The following GALNT13 variants were observed in gnomAD, a reference collection of about 807,000 sequenced individuals.
GALNT13 encodes polypeptide N-acetylgalactosaminyltransferase 13, also known as UDP-GalNAc:polypeptide N-acetylgalactosaminyltransferase 13.
GALNT13 carries 28 observed loss-of-function variants against 64.2 expected under a neutral mutation model. The observed-to-expected ratio is 0.44, with a 90% CI of 0.32 to 0.60. The LOEUF (loss-of-function observed/expected upper bound fraction) is 0.60, where lower values mean the gene tolerates loss of function less well. GALNT13 is among the 20% of genes least tolerant of loss of function. GALNT13 has a pLI of 0.05. For missense variants in GALNT13, 577 were observed against 669.8 expected (o/e 0.86, Z 1.53); for synonymous variants, 214 against 224.6 (o/e 0.95, Z 0.42).
the GALNT13 span, among the ~76,000 whole-genome samples, chr2:153,579,794 G>T: frequency 6.6e-6 from 1 of 151,994 alleles, no homozygotes; most frequent in Non-Finnish European, 1.5e-5. Flanking sequence ...ATTGTGAACT[G>T]GGCTTGTGAG....
chr2:153,396,228 G>A, the GALNT13 span, among the ~76,000 whole-genome samples: 2 of 152,072 alleles, frequency 1.3e-5, no homozygotes. Flanking sequence ...TGTACCAGGT[G>A]CTCTGCTAGG....
chr2:154,401,290 G>A (rs373783608), intron 10 of GALNT13, among the ~76,000 whole-genome samples: 10 of 152,158 alleles, frequency 6.6e-5, no homozygotes, highest in Non-Finnish European at 8.8e-5. Context: ...AAGCTAAAAC[G>A]CTTAAAAGTT....
At chr2:153,917,919 T>G (rs1215175049) in intron 2 of GALNT13, among the ~76,000 whole-genome samples, 2 of 151,194 alleles carry the variant, frequency 1.3e-5, no homozygotes, top group Non-Finnish European at 3.0e-5. Context: ...GACCACAGTT[T>G]TTTTTTTTTT....
the GALNT13 span, among the ~76,000 whole-genome samples, chr2:153,272,260 A>C: frequency 8.5e-5 from 13 of 152,294 alleles, no homozygotes; most frequent in South Asian, 2.5e-3. Flanking sequence ...AAATAGACAA[A>C]TGGGATCTAA....
the GALNT13 span, among the ~76,000 whole-genome samples, chr2:153,286,358 C>A: frequency 7.9e-5 from 12 of 152,154 alleles, no homozygotes; most frequent in East Asian, 2.1e-3. Flanking sequence ...ATAGATGAGA[C>A]AACAATCACA....
chr2:154,241,780 A>G (rs1172879459), intron 4 of GALNT13, among the ~76,000 whole-genome samples: 1 of 152,182 alleles, frequency 6.6e-6, no homozygotes, highest in East Asian at 1.9e-4. Context: ...TTAGACTTGT[A>G]GAAATCATGC....
the GALNT13 span, among the ~76,000 whole-genome samples, chr2:153,368,151 G>T: frequency 6.6e-6 from 1 of 152,092 alleles, no homozygotes; most frequent in Non-Finnish European, 1.5e-5. Context: ...CATCTGTTAT[G>T]AACTGAATGT....
chr2:154,297,155 A>C (rs567513810), intron 8 of GALNT13, among the ~76,000 whole-genome samples: 1 of 151,678 alleles, frequency 6.6e-6, no homozygotes, highest in Non-Finnish European at 1.5e-5. Context: ...GCAATGAGAA[A>C]CCATTCAAGG....
chr2:154,183,566 G>T (rs2105736132), intron 4 of GALNT13, among the ~76,000 whole-genome samples: 1 of 152,050 alleles, frequency 6.6e-6, no homozygotes, highest in African/African-American at 2.4e-5. Flanking sequence ...AAAAACATTA[G>T]CTGGGTATGG....
chr2:153,413,974 G>A, the GALNT13 span, among the ~76,000 whole-genome samples: 1 of 152,094 alleles, frequency 6.6e-6, no homozygotes, highest in Non-Finnish European at 1.5e-5. Flanking sequence ...TAAAAGTAAT[G>A]AATTTGTAAG....
At chr2:153,352,737 T>C in the GALNT13 span, among the ~76,000 whole-genome samples, 1 of 152,130 alleles carries the variant, frequency 6.6e-6, no homozygotes, top group African/African-American at 2.4e-5. Flanking sequence ...GTATTGCCTT[T>C]ACTCTGTCAA....
the GALNT13 span, among the ~76,000 whole-genome samples, chr2:153,508,954 T>C: frequency 2.0e-5 from 3 of 152,192 alleles, no homozygotes; most frequent in Non-Finnish European, 4.4e-5. Flanking sequence ...CCTATCACCC[T>C]GGAGTCCTGC....
At chr2:153,914,812 C>T (rs552029270) in intron 2 of GALNT13, among the ~76,000 whole-genome samples, 36 of 152,208 alleles carry the variant, frequency 2.4e-4, no homozygotes, top group African/African-American at 7.9e-4. Context: ...TTCCGTCTTC[C>T]TTGCATGTTT....
At chr2:153,845,201 T>C in the GALNT13 span, among the ~76,000 whole-genome samples, 1 of 152,116 alleles carries the variant, frequency 6.6e-6, no homozygotes, top group Non-Finnish European at 1.5e-5. Context: ...TGCATTGCTA[T>C]AAAGAAATAC....
the GALNT13 span, among the ~76,000 whole-genome samples, chr2:153,531,653 T>C: frequency 1.3e-5 from 2 of 152,108 alleles, no homozygotes; most frequent in African/African-American, 4.8e-5. Context: ...CAGTCCAAAA[T>C]CTCATCTGAG....
chr2:153,280,211 A>G, the GALNT13 span, among the ~76,000 whole-genome samples: 1 of 152,196 alleles, frequency 6.6e-6, no homozygotes, highest in South Asian at 2.1e-4. Context: ...ATTGGTTGTA[A>G]TATCACCTTT....
chr2:154,384,108 A>G (rs1192116557), intron 9 of GALNT13, among the ~76,000 whole-genome samples: 1 of 151,956 alleles, frequency 6.6e-6, no homozygotes, highest in East Asian at 1.9e-4. Context: ...AAAACTTGTT[A>G]ATGGAAGAAT....
chr2:154,317,536 A>G (rs1021680917), intron 9 of GALNT13, among the ~76,000 whole-genome samples: 1 of 152,208 alleles, frequency 6.6e-6, no homozygotes, highest in South Asian at 2.1e-4. Flanking sequence ...TTATATATCA[A>G]TGAATAAAAT....
the GALNT13 span, among the ~76,000 whole-genome samples, chr2:153,517,555 G>A: frequency 5.9e-5 from 9 of 152,088 alleles, no homozygotes; most frequent in Non-Finnish European, 1.0e-4. Flanking sequence ...GGAACAATTC[G>A]AGTCAGAAAA....
Sources: gnomAD v4.1 joint callset for allele counts (sites outside exome capture counted in the v4.1 genomes callset) on GRCh38, gnomAD v4.1.1 for gene constraint, MANE v1.5 for transcripts, NCBI Gene and HGNC (gene_info 2026-07-23, HGNC 2026-07-21) for gene names.